RCC1L: variants seen among roughly 807,000 people sequenced by gnomAD.
The protein encoded by RCC1L is RCC1-like G exchanging factor-like protein.
RCC1L carries 46 observed loss-of-function variants against 58.6 expected under a neutral mutation model. The observed-to-expected ratio is 0.79, with a 90% CI of 0.62 to 1.00. RCC1L has a LOEUF of 1.00. Ranked by LOEUF, RCC1L falls within the 50% of genes least tolerant of loss-of-function variation. The pLI, the probability that RCC1L is intolerant of heterozygous loss-of-function variation, is 0.00. For synonymous variants in RCC1L, 281 were observed against 262.9 expected, an observed-to-expected ratio of 1.07 and a Z score of -0.67; for missense variants, 636 against 623.6, an observed-to-expected ratio of 1.02 and a Z score of -0.21.
intron 4 of RCC1L, 137 bp downstream of exon 4, chr7:75,064,445 C>A: frequency 1.1e-6 from 1 of 899,586 alleles, no homozygotes; most frequent in Non-Finnish European, 1.8e-6. Context: ...CAGCACTCCC[C>A]CAGCTTTCTG....
intron 8 of RCC1L, chr7:75,056,424 CCT>C: frequency 8.4e-7 from 1 of 1,185,566 alleles, no homozygotes. Context: ...GTTTTCTCCC[CCT>C]AATGACAGCT....
At chr7:75,067,422 A>T (rs1313453178) in intron 2 of RCC1L, among the ~76,000 whole-genome samples, 1 of 152,090 alleles carries the variant, frequency 6.6e-6, no homozygotes, top group East Asian at 1.9e-4. Flanking sequence ...TGAGGTCAGG[A>T]GTTTGATACC....
Position 75,042,899 on chromosome 7 carries a change from CAG to C in RCC1L, c.*131_*132del. ...TAGGTACCCGCTAAGGGATTCAGGA[CAG>C]AGCGTCACACTGCACGCAGGGTCCT... is the stretch of plus-strand genomic sequence containing the variant. On this transcript the variant is annotated 3_prime_UTR_variant, in exon 11 of 11. Transcript: ENST00000610322. The C allele has an allele frequency of 6.6e-7, 1 of 1,523,212 alleles. No individual in the cohort carries two copies. The highest frequency in any genetic ancestry group is 1.4e-5 in the African/African-American group (1 of 73,344). 94.4% of individuals were successfully genotyped at this position (1,523,212 alleles called of 1,614,324 possible). A position where few individuals can be genotyped will look rare whatever the true frequency, so the allele number is the denominator to read the frequency against.
At chr7:75,043,403 C>T (rs1584488906) in intron 10 of RCC1L, among the ~76,000 whole-genome samples, 1 of 152,366 alleles carries the variant, frequency 6.6e-6, no homozygotes, top group East Asian at 1.9e-4. Flanking sequence ...TCACCATTCA[C>T]ATCAGCCTGA....
chr7:75,034,661 C>A (rs1043080155), intron 10 of RCC1L, among the ~76,000 whole-genome samples: 1 of 152,104 alleles, frequency 6.6e-6, no homozygotes, highest in Non-Finnish European at 1.5e-5. Flanking sequence ...GAGTGGGAAA[C>A]TCAGGCAGCA....
chr7:75,058,790 G>C (rs1365777819), intron 6 of RCC1L, 21 bp from the exon 7 acceptor site: 65 of 1,613,444 alleles, frequency 4.0e-5, no homozygotes, highest in Non-Finnish European at 3.5e-5. Flanking sequence ...GGAAAATACA[G>C]ATTTTTAATT....
intron 1 of RCC1L, among the ~76,000 whole-genome samples, 198 bp downstream of exon 1, chr7:75,073,216 C>A: frequency 6.6e-6 from 1 of 152,228 alleles, no homozygotes; most frequent in South Asian, 2.1e-4. Flanking sequence ...GGCACAACAT[C>A]TGGCACTGCC....
intron 8 of RCC1L, chr7:75,056,638 T>G: frequency 6.5e-7 from 1 of 1,535,418 alleles, no homozygotes; most frequent in Non-Finnish European, 8.7e-7. Flanking sequence ...GGAGTCTCTC[T>G]GGCCCAGGCT....
At chr7:75,061,109 GGAA>G in intron 6 of RCC1L, 95 bp downstream of exon 6, 2 of 980,204 alleles carry the variant, frequency 2.0e-6, no homozygotes, top group Non-Finnish European at 3.3e-6. Context: ...GCTGAATTAA[GGAA>G]GAAGGGTTCT....
intron 10 of RCC1L, among the ~76,000 whole-genome samples, chr7:75,043,450 T>A (rs1323746254): frequency 6.6e-6 from 1 of 152,188 alleles, no homozygotes; most frequent in Non-Finnish European, 1.5e-5. Flanking sequence ...CCTGTGTGCA[T>A]CCCTGGAACC....
chr7:75,064,328 CAA>C (rs71519353), intron 4 of RCC1L, among the ~76,000 whole-genome samples: 73,047 of 135,952 alleles, frequency 0.54, 20,177 homozygotes, highest in East Asian at 0.87. Flanking sequence ...GAGTCCATCT[CAA>C]AAAAAAAAAA....
At chr7:75,064,531 G>A in intron 4 of RCC1L, 51 bp downstream of exon 4, 1 of 1,604,910 alleles carries the variant, frequency 6.2e-7, no homozygotes, top group Admixed American at 1.7e-5. Context: ...CCCTAGAAAT[G>A]TTTTGACACT....
chr7:75,058,598 T>G lies in RCC1L; in HGVS notation c.959A>C (p.Asp320Ala). Residue 320 changes from aspartate (D) to alanine (A), a missense_variant, in exon 7 of 11, where the codon GAC becomes GCC. Asp to Ala is a moderately radical substitution (Grantham distance 126, BLOSUM62 -2). Coordinates refer to ENST00000610322, the MANE Select transcript of RCC1L (RefSeq NM_030798.5). The stretch of plus-strand genomic sequence containing the variant: ...TCGGCGACTGCATACCTGTGTGGAG[T>G]CAGTGACAGAGGCCAGCTGCAGGTA... ...SEYLQLASVTDSTQVNVPRCL... is the reference protein window; with the variant it reads ...SEYLQLASVTASTQVNVPRCL... 1 of 1,604,988 alleles carries G rather than the reference T, an allele frequency of 6.2e-7. No individual in the cohort carries two copies. Among genetic ancestry groups the G allele is most frequent in the African/African-American group, 1.3e-5 (1 of 74,806 alleles).
At chr7:75,060,407 C>T (rs1806235791) in intron 6 of RCC1L, among the ~76,000 whole-genome samples, 1 of 152,216 alleles carries the variant, frequency 6.6e-6, no homozygotes, top group Non-Finnish European at 1.5e-5. Flanking sequence ...TTGGGCAGGT[C>T]CTGCCTGTCC....
chr7:75,031,679 C>G (rs1805310510), intron 10 of RCC1L, among the ~76,000 whole-genome samples: 1 of 152,014 alleles, frequency 6.6e-6, no homozygotes, highest in African/African-American at 2.4e-5. Context: ...GCCCCCAGAG[C>G]CGGAGGGGTT....
Position 75,073,403 on chromosome 7 carries a change from G to T in RCC1L, c.324+11C>A. On this transcript the variant is annotated intron_variant, in intron 1 of 10. Transcript: ENST00000610322. ...GAGAGAAGGAGAGAAGGAGGAAGCCGCGGCCTGCACCTTTTGGTCCAGCTC... is the reference window on the plus strand; with the variant it reads ...GAGAGAAGGAGAGAAGGAGGAAGCCTCGGCCTGCACCTTTTGGTCCAGCTC... 3 of 1,152,334 alleles carry T rather than the reference G, an allele frequency of 2.6e-6. No individual in the cohort carries two copies. Among genetic ancestry groups the T allele is most frequent in the Non-Finnish European group, 3.4e-6 (3 of 881,930 alleles). The allele number at this position is 1,152,334 out of a possible 1,614,324, so 71.4% of individuals were successfully genotyped here.
At chr7:75,033,598 G>A (rs1805365053) in intron 10 of RCC1L, among the ~76,000 whole-genome samples, 1 of 152,032 alleles carries the variant, frequency 6.6e-6, no homozygotes, top group East Asian at 1.9e-4. Context: ...GGGAGGCTAA[G>A]GCAGAAGAAT....
intron 6 of RCC1L, among the ~76,000 whole-genome samples, chr7:75,059,397 A>G (rs1806202967): frequency 6.6e-6 from 1 of 151,604 alleles, no homozygotes; most frequent in Admixed American, 6.6e-5. Flanking sequence ...CAGCCTCCCA[A>G]GTAGCTGAGA....
chr7:75,065,910 CG>C (rs1307421727), intron 3 of RCC1L, among the ~76,000 whole-genome samples: 1 of 150,204 alleles, frequency 6.7e-6, no homozygotes, highest in Non-Finnish European at 1.5e-5. Context: ...CCCAGCTACT[CG>C]GGAGGCTGAG....
Sources: gnomAD v4.1 joint callset for allele counts (sites outside exome capture counted in the v4.1 genomes callset) on GRCh38, gnomAD v4.1.1 for gene constraint, MANE v1.5 for transcripts, NCBI Gene and HGNC (gene_info 2026-07-23, HGNC 2026-07-21) for gene names.